The following DOCK1 variants were observed in gnomAD, a reference collection of about 807,000 sequenced individuals.
DOCK1 encodes the protein dedicator of cytokinesis protein 1.
In DOCK1, 138 loss-of-function variants were observed where a neutral mutation model predicts 262.7. That is an observed-to-expected ratio of 0.53 (90% CI 0.46 to 0.61). DOCK1 has a LOEUF of 0.61. Among genes scored for constraint, DOCK1 ranks in the 20% least tolerant of loss-of-function variants. The pLI is 0.00. For missense variants in DOCK1, 1,908 were observed against 2,370.7 expected (o/e 0.80, Z 4.05); for synonymous variants, 866 against 867.4 (o/e 1.00, Z 0.03).
chr10:127,069,418 C>G (rs537431305), intron 23 of DOCK1, among the ~76,000 whole-genome samples: 1 of 152,178 alleles, frequency 6.6e-6, no homozygotes, highest in Non-Finnish European at 1.5e-5. Flanking sequence ...GAGATGTTGG[C>G]ACCGTCATAG....
intron 30 of DOCK1, 106 bp from the exon 31 acceptor site, chr10:127,343,540 C>T (rs1554952192): frequency 1.1e-5 from 10 of 916,648 alleles, no homozygotes; most frequent in Middle Eastern, 2.2e-4. Context: ...TTTTTTTTAA[C>T]TTTTCAGAAG....
chr10:127,023,198 A>AGGG lies in DOCK1; in HGVS notation c.1328_1329insGGG. 6.2e-7 allele frequency: 1 copy of AGGG among 1,613,380 alleles called. No homozygotes were observed. Among genetic ancestry groups the AGGG allele is most frequent in the Non-Finnish European group, 8.5e-7 (1 of 1,179,670 alleles). ...TTAAATGTATGATTTCTCCCCCCTC[A>AGGG]GGTGATGTTCGAAATGATATCTATG... On this transcript the variant is annotated splice_acceptor_variant, in intron 13 of 51. Transcript: ENST00000623213. LOFTEE classifies it high-confidence loss of function.
intron 47 of DOCK1, among the ~76,000 whole-genome samples, chr10:127,427,525 G>A (rs541590788): frequency 1.3e-5 from 2 of 152,266 alleles, no homozygotes; most frequent in East Asian, 3.9e-4. Flanking sequence ...AGCAGGCACT[G>A]CAGTCACCTG....
At chr10:127,039,767 C>T (rs770828624) in intron 19 of DOCK1, among the ~76,000 whole-genome samples, 2 of 152,198 alleles carry the variant, frequency 1.3e-5, no homozygotes, top group Non-Finnish European at 2.9e-5. Flanking sequence ...TATTCAGGAC[C>T]TCCCTTCTGA....
At chr10:127,347,350 G>A (rs2063679653) in intron 31 of DOCK1, among the ~76,000 whole-genome samples, 1 of 152,208 alleles carries the variant, frequency 6.6e-6, no homozygotes, top group Non-Finnish European at 1.5e-5. Context: ...TGAGTGGAGT[G>A]GGGCACGCAT....
rs2066016697 is a variant in DOCK1 at position 127,384,821 on chromosome 10, C to T, written c.3839C>T (p.Thr1280Ile). The T allele has an allele frequency of 2.5e-6, 4 of 1,605,330 alleles. No homozygotes were observed. The highest frequency in any genetic ancestry group is 3.4e-6 in the Non-Finnish European group (4 of 1,177,308). The stretch of plus-strand genomic sequence containing the variant: ...GAGGATGTGTGTGTGGCCCACCTCA[C>T]CCAGCGGGACGGGTACCAGGCCACC... Reference protein sequence around the residue: ...WSEDVCVAHLTQRDGYQATTQ... With the variant: ...WSEDVCVAHLIQRDGYQATTQ... The change falls in exon 38 of 52, where the codon ACC becomes ATC. Residue 1280 changes from threonine to isoleucine, a missense_variant. By Grantham distance (89) the Thr-to-Ile change is moderately conservative. This residue lies in a region of DOCK1 where 267 missense variants were observed against 366.3 expected (regional missense o/e 0.73). Transcript: ENST00000623213.
At position 127,106,260 on chromosome 10, in the gene DOCK1, C is replaced by A. The variant is rs371720170; in HGVS notation, c.2475C>A (p.Ile825=). 1.9e-6 allele frequency: 3 copies of A among 1,596,464 alleles called. No homozygotes were observed. Among genetic ancestry groups the A allele is most frequent in the African/African-American group, 2.7e-5 (2 of 74,774 alleles). Residue 825 remains isoleucine (I), a synonymous_variant, in exon 24 of 52, where the codon ATC becomes ATA. Coordinates refer to ENST00000623213, the MANE Select transcript of DOCK1 (RefSeq NM_001290223.2). ...KGAALKYLPT[I]VNDVKLVFDP... ...CAGCACTGAAATACTTACCAACGAT[C>A]GTCAACGATGTGAAATTGGTGTTTG...
chr10:127,200,696 G>A (rs1473344924), intron 27 of DOCK1, among the ~76,000 whole-genome samples: 7 of 152,156 alleles, frequency 4.6e-5, no homozygotes, highest in African/African-American at 7.2e-5. Flanking sequence ...GAGCCACTGC[G>A]CCCGATATTA....
intron 1 of DOCK1, among the ~76,000 whole-genome samples, chr10:126,969,187 C>G (rs1351705931): frequency 6.6e-6 from 1 of 152,206 alleles, no homozygotes; most frequent in South Asian, 2.1e-4. Flanking sequence ...CGCAATTCTA[C>G]GAGGTCAGTA....
At chr10:127,219,370 A>G (rs534216171) in intron 27 of DOCK1, among the ~76,000 whole-genome samples, 1 of 152,274 alleles carries the variant, frequency 6.6e-6, no homozygotes, top group South Asian at 2.1e-4. Flanking sequence ...TAACTTTCTC[A>G]TCAGCAGTTG....
At chr10:127,347,870 TTCCCTTCCCTTCCCA>T (rs1565012388) in intron 31 of DOCK1, among the ~76,000 whole-genome samples, 3 of 25,748 alleles carry the variant, frequency 1.2e-4, no homozygotes, top group East Asian at 7.9e-4. Context: ...TTCCCTTCCC[TTCCCTTCCCTTCCCA>T]TCCCTTCCCT....
chr10:127,416,680 CCTT>C (rs2068175094), intron 44 of DOCK1, among the ~76,000 whole-genome samples: 1 of 152,328 alleles, frequency 6.6e-6, no homozygotes, highest in East Asian at 1.9e-4. Context: ...CAGCAGCTAA[CCTT>C]CTTCAATAAA....
intron 35 of DOCK1, among the ~76,000 whole-genome samples, chr10:127,375,895 G>C (rs533418686): frequency 6.6e-6 from 1 of 152,296 alleles, no homozygotes; most frequent in Admixed American, 6.5e-5. Context: ...CGTCTTCTTA[G>C]ATCTGTAGAT....
At chr10:127,103,936 T>C (rs1486707907) in intron 23 of DOCK1, among the ~76,000 whole-genome samples, 1 of 152,248 alleles carries the variant, frequency 6.6e-6, no homozygotes, top group Non-Finnish European at 1.5e-5. Context: ...AAGAGCATGT[T>C]GTAGGAATTC....
At chr10:127,159,545 A>T (rs1482951032) in intron 27 of DOCK1, among the ~76,000 whole-genome samples, 1 of 152,190 alleles carries the variant, frequency 6.6e-6, no homozygotes, top group East Asian at 1.9e-4. Flanking sequence ...ATTTATTTTC[A>T]AAAGTAGTGA....
chr10:126,967,330 G>A (rs1163871240), intron 1 of DOCK1, among the ~76,000 whole-genome samples: 1 of 152,056 alleles, frequency 6.6e-6, no homozygotes, highest in African/African-American at 2.4e-5. Flanking sequence ...CATACTTTTG[G>A]ATTCATTTAA....
chr10:127,444,504 A>G lies in DOCK1; in HGVS notation c.5413+225A>G, dbSNP rs541019781. 2.6e-5 allele frequency among the ~76,000 whole-genome samples: 4 copies of G among 152,234 alleles called. No homozygotes were observed. In the South Asian group the frequency reaches 6.2e-4, roughly 24 times the overall value. On this transcript the variant is annotated intron_variant, in intron 50 of 51. Coordinates refer to ENST00000623213, the MANE Select transcript of DOCK1 (RefSeq NM_001290223.2). ...CCCAGGTCTCCAGCACTGGAGGGGCAGAAAGTGCAGGGTCTGTCCCAGGGT... is the reference window on the plus strand; with the variant it reads ...CCCAGGTCTCCAGCACTGGAGGGGCGGAAAGTGCAGGGTCTGTCCCAGGGT...
At chr10:127,153,607 A>C in intron 27 of DOCK1, among the ~76,000 whole-genome samples, 1 of 152,228 alleles carries the variant, frequency 6.6e-6, no homozygotes, top group Admixed American at 6.5e-5. Flanking sequence ...CATCAAACTT[A>C]TACCAATTCT....
intron 4 of DOCK1, among the ~76,000 whole-genome samples, chr10:126,985,142 G>C (rs148484211): frequency 6.6e-6 from 1 of 151,930 alleles, no homozygotes; most frequent in African/African-American, 2.4e-5. Flanking sequence ...CACCATGCCT[G>C]GCTAATTTTT....
Sources: allele counts gnomAD v4.1 joint callset (sites outside exome capture counted in the v4.1 genomes callset), GRCh38; gene constraint gnomAD v4.1.1; regional missense constraint gnomAD v4.1.1; transcripts MANE v1.5; gene names NCBI Gene and HGNC (gene_info 2026-07-23, HGNC 2026-07-21).